TECTB: variants seen among roughly 807,000 people sequenced by gnomAD.
TECTB encodes tectorin beta.
Under a neutral mutation model 43.3 loss-of-function variants are expected in TECTB, and 45 were observed. The observed-to-expected ratio is 1.04, with a 90% CI of 0.82 to 1.33. The LOEUF is 1.33. TECTB is among the 40% of genes most tolerant of loss of function. The pLI is 0.00. For synonymous variants in TECTB, 169 were observed against 156.7 expected (o/e 1.08, Z -0.59); for missense variants, 399 against 404.7 (o/e 0.99, Z 0.12).
At chr10:112,293,869 G>A in intron 6 of TECTB, 28 bp downstream of exon 6, 1 of 1,610,042 alleles carries the variant, frequency 6.2e-7, no homozygotes, top group Non-Finnish European at 8.5e-7. Flanking sequence ...AAGTTTATAT[G>A]TTTAAATGCA....
Position 112,303,415 on chromosome 10 carries a change from T to C in TECTB, c.*103T>C, listed in dbSNP as rs141928365. 8.2e-4 allele frequency: 1,188 copies of C among 1,449,284 alleles called. 3 individuals carry two copies. The highest frequency in any genetic ancestry group is 1.2e-3 in the South Asian group (104 of 86,554). The allele number at this position is 1,449,284 out of a possible 1,614,324, so 89.8% of individuals were successfully genotyped here. On this transcript the variant is annotated 3_prime_UTR_variant, in exon 11 of 11. Coordinates refer to ENST00000646139, the MANE Select transcript of TECTB (RefSeq NM_058222.3). ...AAAGAACAAACAGAAGACCACATTG[T>C]TGGGGGGCAGAGAATAGCACTTTGC...
intron 2 of TECTB, among the ~76,000 whole-genome samples, chr10:112,284,075 T>TTA (rs1013524692): frequency 7.9e-5 from 12 of 151,496 alleles, no homozygotes; most frequent in East Asian, 1.9e-4. Flanking sequence ...CCACATCCCA[T>TTA]TATATATATA....
intron 9 of TECTB, 51 bp downstream of exon 9, chr10:112,299,615 G>T: frequency 6.3e-7 from 1 of 1,595,736 alleles, no homozygotes; most frequent in East Asian, 2.2e-5. Flanking sequence ...TTCACGCTGG[G>T]CTGCGTCCAC....
rs1036092489 is a variant in TECTB, at chr10:112,303,831, T to C, written c.*519T>C. On this transcript the variant is annotated 3_prime_UTR_variant, in exon 11 of 11. Transcript: ENST00000646139. ...ATCTTTCAACTGATGACATGGGAGA[T>C]GATGTGGGATTCAGAGTGGAATACA... 1 of 157,256 alleles carries C rather than the reference T, an allele frequency of 6.4e-6. No homozygotes were observed. Among genetic ancestry groups the C allele is most frequent in the East Asian group, 1.8e-4 (1 of 5,558 alleles). The allele number at this position is 157,256 out of a possible 1,614,324, so 9.7% of individuals were successfully genotyped here. A position where few individuals can be genotyped will look rare whatever the true frequency, so the allele number is the denominator to read the frequency against.
chr10:112,297,698 T>G (rs1848561067), intron 7 of TECTB, among the ~76,000 whole-genome samples: 1 of 152,184 alleles, frequency 6.6e-6, no homozygotes. Flanking sequence ...GGGGCAATGC[T>G]GCACCTGGTG....
rs376832083 is a variant in TECTB, at chr10:112,293,065, T to C, written c.484-673T>C. Among the ~76,000 whole-genome samples the C allele has an allele frequency of 1.1e-3, 171 of 152,370 alleles. 3 individuals carry two copies. In the South Asian group the frequency reaches 0.034, roughly 30 times the overall value. On this transcript the variant is annotated intron_variant, in intron 5 of 10. Transcript: ENST00000646139. ...TCCTTATCCCACTCTGCATGTTTTA[T>C]AGCTTTTCTAGATAATGTCCTATGG...
rs1372368597 is a variant in TECTB, at chr10:112,284,665, C to T, written c.207C>T (p.Tyr69=). 3 of 1,613,082 alleles carry T rather than the reference C, an allele frequency of 1.9e-6. No individual in the cohort carries two copies. The highest frequency in any genetic ancestry group is 2.2e-5 in the East Asian group (1 of 44,830). Residue 69 remains tyrosine (Y), a synonymous_variant, in exon 3 of 11, where the codon TAC becomes TAT. Coordinates refer to ENST00000646139, the MANE Select transcript of TECTB (RefSeq NM_058222.3). The stretch of plus-strand genomic sequence containing the variant: ...ATGGGGTCCACGAAGGAGGTTACTA[C>T]CAATTTGTGATCCCAGATTTATCAC... The part of the protein sequence containing the change: ...CYNGVHEGGY[Y]QFVIPDLSPK...
rs80223616 is a variant in TECTB at position 112,283,455 on chromosome 10, C to T, written c.-129C>T. 1,813 of 421,044 alleles carry T rather than the reference C, an allele frequency of 4.3e-3. 69 individuals carry two copies. The East Asian group carries it at 0.07, about 16-fold the overall frequency. 26.1% of individuals were successfully genotyped at this position (421,044 alleles called of 1,614,324 possible). A position where few individuals can be genotyped will look rare whatever the true frequency, so the allele number is the denominator to read the frequency against. ...TACAGTCCGGAGAGGATGAAACAGT[C>T]GGGAACATGAACAACTCCATGTGTC... On this transcript the variant is annotated 5_prime_UTR_variant, in exon 1 of 11. Transcript: ENST00000646139.
Position 112,298,341 on chromosome 10 carries a change from G to T in TECTB, c.834+110G>T, listed in dbSNP as rs1848567391. On this transcript the variant is annotated intron_variant, in intron 8 of 10. Coordinates refer to ENST00000646139, the MANE Select transcript of TECTB (RefSeq NM_058222.3). ...CCAGGCCAGGGCAGCTGTGTGCTGA[G>T]GACATCTGGAGGAAATGGCACTGAG... The T allele has an allele frequency of 5.0e-6, 7 of 1,387,584 alleles. No individual in the cohort carries two copies. In the Admixed American group the frequency reaches 6.2e-5, roughly 12 times the overall value. The allele number at this position is 1,387,584 out of a possible 1,614,324, so 86.0% of individuals were successfully genotyped here.
rs1848452445 is a variant in TECTB, at chr10:112,286,157, C to T, written c.354C>T (p.Ser118=). ...VIVKNQPVNY[S]FSCTYHSTYL... ...TAAAAAACCAGCCTGTCAACTACTC[C>T]TTCTCCTGCACCTACCACTCCACCT... The change falls in exon 4 of 11, where the codon TCC becomes TCT. Residue 118 remains serine (S), a synonymous_variant. Transcript: ENST00000646139. The T allele has an allele frequency of 2.5e-6, 4 of 1,614,180 alleles. No homozygotes were observed. The highest frequency in any genetic ancestry group is 3.4e-6 in the Non-Finnish European group (4 of 1,180,010).
intron 9 of TECTB, 122 bp from the exon 10 acceptor site, chr10:112,301,979 G>A: frequency 8.4e-7 from 1 of 1,184,994 alleles, no homozygotes. Flanking sequence ...CCAAAGTGCT[G>A]GGATTACAAG....
In TECTB at chr10:112,303,623, A is replaced by G; in HGVS notation, c.*311A>G. The G allele has an allele frequency of 2.7e-6, 1 of 374,588 alleles. No individual in the cohort carries two copies. Among genetic ancestry groups the G allele is most frequent in the East Asian group, 4.5e-5 (1 of 22,184 alleles). 23.2% of individuals were successfully genotyped at this position (374,588 alleles called of 1,614,324 possible). On this transcript the variant is annotated 3_prime_UTR_variant, in exon 11 of 11. Transcript: ENST00000646139. ...CCTTTGAAAGCTATTTTAACTTTAA[A>G]AGGTTAGCAGACCCAACCAAGTACT...
chr10:112,296,283 G>A (rs1848546348), intron 7 of TECTB, among the ~76,000 whole-genome samples: 1 of 152,178 alleles, frequency 6.6e-6, no homozygotes, highest in Non-Finnish European at 1.5e-5. Flanking sequence ...AGAGCAATCT[G>A]ACATGGGAAA....
rs1848617116 is a variant in TECTB, at chr10:112,302,117, T to C, written c.924T>C (p.Ser308=). 15 of 1,613,950 alleles carry C rather than the reference T, an allele frequency of 9.3e-6. No individual in the cohort carries two copies. In the East Asian group the frequency reaches 3.3e-4, roughly 36 times the overall value. The change falls in exon 10 of 11, where the codon AGT becomes AGC. Residue 308 remains serine (S), a synonymous_variant. Transcript: ENST00000646139. ...TCACTACAGGCAGGGGATTTTCCAG[T>C]CTCTATAGCTTCTCAGGTAAGGAAA... ...ELSLRSRGFS[S]LYSFSDVLHH... is the part of the protein sequence containing the mutation.
intron 5 of TECTB, among the ~76,000 whole-genome samples, chr10:112,288,490 C>T (rs989602780): frequency 2.0e-5 from 3 of 152,124 alleles, no homozygotes; most frequent in Admixed American, 2.0e-4. Flanking sequence ...CCAGGACAAA[C>T]GGGCCTCAGC....
At chr10:112,298,965 G>A (rs755556694) in intron 8 of TECTB, among the ~76,000 whole-genome samples, 9 of 152,192 alleles carry the variant, frequency 5.9e-5, no homozygotes, top group Non-Finnish European at 1.3e-4. Context: ...CTCTATTGCT[G>A]TTGTTTCATT....
intron 9 of TECTB, among the ~76,000 whole-genome samples, chr10:112,299,892 G>C (rs111754041): frequency 0.015 from 2,254 of 152,250 alleles, 54 homozygotes; most frequent in African/African-American, 0.051. Context: ...GCCGGGCTCG[G>C]TGGCTCACGC....
intron 5 of TECTB, among the ~76,000 whole-genome samples, chr10:112,287,951 C>T (rs919861997): frequency 2.6e-5 from 4 of 152,158 alleles, no homozygotes; most frequent in Admixed American, 6.5e-5. Flanking sequence ...CGTTAAGTAC[C>T]GAGAAAGGGA....
chr10:112,301,581 T>C (rs1246494826), intron 9 of TECTB, among the ~76,000 whole-genome samples: 6 of 152,090 alleles, frequency 3.9e-5, no homozygotes, highest in Admixed American at 3.9e-4. Context: ...AAATGTACTA[T>C]TTACTTTTTT....
Sources: gnomAD v4.1 joint callset for allele counts (sites outside exome capture counted in the v4.1 genomes callset) on GRCh38, gnomAD v4.1.1 for gene constraint, MANE v1.5 for transcripts, NCBI Gene and HGNC (gene_info 2026-07-23, HGNC 2026-07-21) for gene names.